Variants in SEC24A observed in about 807,000 individuals in gnomAD.
SEC24A encodes protein transport protein Sec24A.
A neutral mutation model predicts 129.4 loss-of-function variants in SEC24A; 93 were observed. That is an observed-to-expected ratio of 0.72 (90% CI 0.61 to 0.85). SEC24A has a LOEUF of 0.85. Among genes scored for constraint, SEC24A ranks in the 40% least tolerant of loss-of-function variants. SEC24A has a pLI of 0.00. For synonymous variants in SEC24A, 460 were observed against 467.3 expected (o/e 0.98, Z 0.20); for missense variants, 1,264 against 1,307.4 (o/e 0.97, Z 0.51).
At chr5:134,693,548 A>G (rs1751727937) in intron 12 of SEC24A, 179 bp from the exon 13 acceptor site, 3 of 1,429,312 alleles carry the variant, frequency 2.1e-6, no homozygotes, top group Non-Finnish European at 2.7e-6. Context: ...CTTGCTTGCC[A>G]ATTTATAATG....
At chr5:134,652,634 C>T (rs1321078216) in intron 1 of SEC24A, among the ~76,000 whole-genome samples, 1 of 152,078 alleles carries the variant, frequency 6.6e-6, no homozygotes, top group African/African-American at 2.4e-5. Flanking sequence ...TGTTGCCAGG[C>T]TGGAGTGCAG....
rs761400762 is a variant in SEC24A, at chr5:134,721,071, C to T, written c.3044C>T (p.Ala1015Val). The T allele has an allele frequency of 6.2e-7, 1 of 1,607,342 alleles. No individual in the cohort carries two copies. Among genetic ancestry groups the T allele is most frequent in the South Asian group, 1.1e-5 (1 of 90,894 alleles). The part of the protein sequence containing the change: ...LSQVLGVQNY[A>V]SIPQPMTDLP... Reference sequence around the variant, plus strand: ...CAAGTTCTAGGAGTTCAAAACTATGCATCAATTCCACAGCCTATGGTAAGA... The same window carrying T: ...CAAGTTCTAGGAGTTCAAAACTATGTATCAATTCCACAGCCTATGGTAAGA... The change falls in exon 21 of 23, where the codon GCA (alanine) becomes GTA (valine). Residue 1015 changes from alanine to valine, a missense_variant. Coordinates refer to ENST00000398844, the MANE Select transcript of SEC24A (RefSeq NM_021982.3).
At chr5:134,697,836 GTTAC>G in intron 14 of SEC24A, 59 bp from the exon 15 acceptor site, 1 of 1,446,300 alleles carries the variant, frequency 6.9e-7, no homozygotes. Flanking sequence ...AATGTCTTTA[GTTAC>G]TTTGGTGTAG....
intron 22 of SEC24A, 70 bp from the exon 23 acceptor site, chr5:134,724,910 T>A: frequency 5.2e-6 from 4 of 764,162 alleles, no homozygotes; most frequent in Non-Finnish European, 7.0e-6. Context: ...TATGAGGAAA[T>A]CAAAAGCCTT....
intron 18 of SEC24A, among the ~76,000 whole-genome samples, chr5:134,709,239 C>T (rs950971266): frequency 2.0e-5 from 3 of 151,878 alleles, no homozygotes; most frequent in African/African-American, 4.8e-5. Context: ...GAAACGAACA[C>T]GATGGAAACA....
chr5:134,719,871 G>C (rs1261896363), intron 20 of SEC24A, among the ~76,000 whole-genome samples: 1 of 152,132 alleles, frequency 6.6e-6, no homozygotes, highest in Non-Finnish European at 1.5e-5. Context: ...TGTAATCCCA[G>C]CTACTTGGGA....
chr5:134,711,742 G>T (rs766698202), intron 18 of SEC24A, among the ~76,000 whole-genome samples: 1 of 150,580 alleles, frequency 6.6e-6, no homozygotes, highest in African/African-American at 2.4e-5. Flanking sequence ...TGTTGGCCAG[G>T]CTGGTTTTGA....
chr5:134,684,131 C>T (rs532577776), intron 9 of SEC24A, among the ~76,000 whole-genome samples: 22 of 151,668 alleles, frequency 1.5e-4, no homozygotes, highest in African/African-American at 4.6e-4. Flanking sequence ...GGTAAAACCC[C>T]GTCTCTACTA....
chr5:134,686,411 A>G (rs1751453865), intron 9 of SEC24A, among the ~76,000 whole-genome samples: 1 of 151,880 alleles, frequency 6.6e-6, no homozygotes, highest in Admixed American at 6.6e-5. Context: ...TAATTTTTGT[A>G]TTTTTAGTAG....
chr5:134,724,485 G>A (rs1752711204), intron 22 of SEC24A, among the ~76,000 whole-genome samples: 1 of 152,088 alleles, frequency 6.6e-6, no homozygotes, highest in African/African-American at 2.4e-5. Flanking sequence ...CTACTCGGGA[G>A]GCTGAGGCAG....
In SEC24A at chr5:134,715,162, G is replaced by T; in HGVS notation, c.2865+1G>T. The stretch of plus-strand genomic sequence containing the variant: ...TAGAGTTGACAATCTCTCAGATGAG[G>T]TAAGATGGATTGCTTTTTTGTGGTT... On this transcript the variant is annotated splice_donor_variant, in intron 19 of 22. Transcript: ENST00000398844. LOFTEE classifies it high-confidence loss of function. 1 of 1,608,234 alleles carries T rather than the reference G, an allele frequency of 6.2e-7. No homozygotes were observed. The highest frequency in any genetic ancestry group is 8.5e-7 in the Non-Finnish European group (1 of 1,178,510).
chr5:134,701,902 C>A (rs1002592245), intron 15 of SEC24A, among the ~76,000 whole-genome samples: 1 of 151,986 alleles, frequency 6.6e-6, no homozygotes, highest in Non-Finnish European at 1.5e-5. Context: ...CACTACAGAT[C>A]AAATACATAC....
At chr5:134,714,545 C>G (rs1752422927) in intron 18 of SEC24A, among the ~76,000 whole-genome samples, 1 of 152,202 alleles carries the variant, frequency 6.6e-6, no homozygotes, top group South Asian at 2.1e-4. Flanking sequence ...CCAAAATCAT[C>G]CTCCACCATG....
chr5:134,649,182 T>C lies in SEC24A; in HGVS notation c.97+9T>C. On this transcript the variant is annotated intron_variant, in intron 1 of 22. Transcript: ENST00000398844. ...GTCTCCCTACACCAACGGTGAGTGC[T>C]GTCCGGGGGGAGGGCGCAGCCTGGC... 6.3e-7 allele frequency: 1 copy of C among 1,590,968 alleles called. No homozygotes were observed. Among genetic ancestry groups the C allele is most frequent in the Non-Finnish European group, 8.6e-7 (1 of 1,166,160 alleles).
At chr5:134,695,738 C>T (rs1300254047) in intron 13 of SEC24A, among the ~76,000 whole-genome samples, 1 of 151,696 alleles carries the variant, frequency 6.6e-6, no homozygotes, top group Non-Finnish European at 1.5e-5. Context: ...GAGATTGTGC[C>T]ACTGCACTCC....
At chr5:134,656,083 C>T (rs370687487) in intron 1 of SEC24A, among the ~76,000 whole-genome samples, 1 of 138,752 alleles carries the variant, frequency 7.2e-6, no homozygotes, top group Non-Finnish European at 1.5e-5. Context: ...AGCTAAATAT[C>T]TTTTTTTTTT....
chr5:134,652,861 C>A (rs1050203458), intron 1 of SEC24A, among the ~76,000 whole-genome samples: 1 of 152,124 alleles, frequency 6.6e-6, no homozygotes, highest in Admixed American at 6.6e-5. Context: ...GTGGTGCGAT[C>A]TTGGCTCGCT....
At chr5:134,715,311 AT>A in intron 19 of SEC24A, 150 bp downstream of exon 19, 1 of 679,642 alleles carries the variant, frequency 1.5e-6, no homozygotes. Flanking sequence ...GAGTAAATAA[AT>A]TTTAGTATAG....
chr5:134,663,066 T>C (rs1159117741), intron 2 of SEC24A, among the ~76,000 whole-genome samples: 2 of 152,128 alleles, frequency 1.3e-5, no homozygotes, highest in African/African-American at 4.8e-5. Flanking sequence ...AACTTTGATA[T>C]CATTATCTGT....
Sources: allele counts gnomAD v4.1 joint callset (sites outside exome capture counted in the v4.1 genomes callset), GRCh38; gene constraint gnomAD v4.1.1; transcripts MANE v1.5; gene names NCBI Gene and HGNC (gene_info 2026-07-23, HGNC 2026-07-21).